The following CCDC112 variants were observed in gnomAD, a reference collection of about 807,000 sequenced individuals.
CCDC112 encodes coiled-coil domain-containing protein 112.
In CCDC112, 40 loss-of-function variants were observed where a neutral mutation model predicts 66.3. That is an observed-to-expected ratio of 0.60 (90% confidence interval 0.47 to 0.79). CCDC112 has a LOEUF of 0.79. CCDC112 is among the 30% of genes least tolerant of loss of function. CCDC112 has a pLI of 0.00. For synonymous variants in CCDC112, 214 were observed against 197.2 expected (o/e 1.09, Z -0.71); for missense variants, 659 against 603.8 (o/e 1.09, Z -0.96).
chr5:115,293,641 T>C (rs1203079820), intron 1 of CCDC112, among the ~76,000 whole-genome samples: 1 of 152,190 alleles, frequency 6.6e-6, no homozygotes, highest in Non-Finnish European at 1.5e-5. Flanking sequence ...TACTTCTGAC[T>C]CTGATCTTCC....
chr5:115,268,514 G>A lies in CCDC112; in HGVS notation c.1547+368C>T, dbSNP rs568930301. On this transcript the variant is annotated intron_variant, in intron 9 of 9. Transcript: ENST00000379611. Reference sequence around the variant, plus strand: ...TCTCAAACTCCTGACTTCGTGATCCGTCCTCCTTGGCCTCCCAAAGTGCTG... The same window carrying A: ...TCTCAAACTCCTGACTTCGTGATCCATCCTCCTTGGCCTCCCAAAGTGCTG... Among the ~76,000 whole-genome samples, 15 of 151,718 alleles carry A rather than the reference G, an allele frequency of 9.9e-5. 1 individual carries two copies. The highest frequency in any genetic ancestry group is 7.7e-4 in the East Asian group (4 of 5,162).
chr5:115,275,022 T>C (rs1209402717), intron 6 of CCDC112, among the ~76,000 whole-genome samples, 194 bp downstream of exon 6: 1 of 152,122 alleles, frequency 6.6e-6, no homozygotes, highest in Non-Finnish European at 1.5e-5. Flanking sequence ...GGATTACAGG[T>C]GTAAGCCACT....
At position 115,275,256 on chromosome 5, in the gene CCDC112, C is replaced by T; in HGVS notation, c.878G>A (p.Trp293Ter). The part of the protein sequence containing the change: ...TQDEVQQHEK[W>*]YQKFLALEER... ...TTCTAGAGCCAGAAACTTTTGATAC[C>T]ATTTTTCATGCTGTTGAACTTCATC... Residue 293 changes from tryptophan to a stop codon, truncating the protein, a stop_gained, in exon 6 of 10, where the codon TGG (tryptophan) becomes TAG (stop). Coordinates refer to ENST00000379611, the MANE Select transcript of CCDC112 (RefSeq NM_001040440.3). LOFTEE classifies it high-confidence loss of function. The T allele has an allele frequency of 6.2e-7, 1 of 1,611,062 alleles. No individual in the cohort carries two copies.
chr5:115,271,124 A>G, intron 7 of CCDC112, 89 bp downstream of exon 7: 1 of 1,244,056 alleles, frequency 8.0e-7, no homozygotes. Context: ...GGTCCAATAT[A>G]CAAATACTCA....
intron 2 of CCDC112, among the ~76,000 whole-genome samples, chr5:115,283,396 G>A (rs942445028): frequency 1.3e-5 from 2 of 151,970 alleles, no homozygotes; most frequent in Non-Finnish European, 2.9e-5. Flanking sequence ...GTCTTTCTGT[G>A]TATGGCTTAT....
At chr5:115,294,875 GT>G (rs1015260088) in intron 1 of CCDC112, among the ~76,000 whole-genome samples, 1 of 151,952 alleles carries the variant, frequency 6.6e-6, no homozygotes, top group African/African-American at 2.4e-5. Context: ...GTTTTGTTTT[GT>G]TTTTTTAAAA....
chr5:115,296,628 T>A lies in CCDC112; in HGVS notation c.-85A>T. The A allele has an allele frequency of 3.2e-6, 4 of 1,250,512 alleles. No homozygotes were observed. The highest frequency in any genetic ancestry group is 3.0e-6 in the Non-Finnish European group (3 of 987,148). The allele number at this position is 1,250,512 out of a possible 1,614,324, so 77.5% of individuals were successfully genotyped here. ...GCGCACCCTGGCCTCTGCAGACAGC[T>A]CCCTGCGCTGCGGGCTTGGCCGGGA... On this transcript the variant is annotated 5_prime_UTR_variant, in exon 1 of 10. Transcript: ENST00000379611.
intron 7 of CCDC112, among the ~76,000 whole-genome samples, chr5:115,270,147 T>C (rs1197202712): frequency 6.6e-6 from 1 of 152,112 alleles, no homozygotes; most frequent in East Asian, 1.9e-4. Flanking sequence ...ATTTTTTTCT[T>C]TTATTATGTG....
At chr5:115,294,862 ATTGTT>A (rs1386503251) in intron 1 of CCDC112, among the ~76,000 whole-genome samples, 5 of 152,210 alleles carry the variant, frequency 3.3e-5, no homozygotes, top group East Asian at 1.9e-4. Flanking sequence ...GTAATGCTGC[ATTGTT>A]TTGTTTTGTT....
intron 9 of CCDC112, 80 bp from the exon 10 acceptor site, chr5:115,267,998 T>C (rs1748812548): frequency 5.5e-6 from 6 of 1,098,410 alleles, no homozygotes; most frequent in Non-Finnish European, 8.3e-6. Context: ...AAGTGCTAAC[T>C]TTAAAATATA....
intron 1 of CCDC112, among the ~76,000 whole-genome samples, chr5:115,287,991 T>C (rs544868913): frequency 5.7e-4 from 86 of 151,900 alleles, no homozygotes; most frequent in South Asian, 1.0e-3. Context: ...CCTTTTTTTT[T>C]CCCCCCGAGA....
chr5:115,276,912 C>G, intron 4 of CCDC112, 53 bp downstream of exon 4: 1 of 1,208,346 alleles, frequency 8.3e-7, no homozygotes, highest in South Asian at 1.3e-5. Context: ...CCATTAATGC[C>G]AAACAGAAAA....
At chr5:115,282,224 C>A (rs1480931952) in intron 2 of CCDC112, among the ~76,000 whole-genome samples, 2 of 152,060 alleles carry the variant, frequency 1.3e-5, no homozygotes, top group African/African-American at 4.8e-5. Flanking sequence ...CTTTTTTAAA[C>A]AAAGTTTTTG....
chr5:115,290,159 G>C (rs963827339), intron 1 of CCDC112, among the ~76,000 whole-genome samples: 1 of 152,192 alleles, frequency 6.6e-6, no homozygotes. Flanking sequence ...GATCAGATTA[G>C]ATATTTTTCA....
chr5:115,294,000 A>T (rs1316391650), intron 1 of CCDC112, among the ~76,000 whole-genome samples: 2 of 152,218 alleles, frequency 1.3e-5, no homozygotes, highest in Non-Finnish European at 2.9e-5. Context: ...GACATTGGAG[A>T]GGAGGATAGA....
Position 115,290,326 on chromosome 5 carries a change from T to C in CCDC112, c.118-5418A>G, listed in dbSNP as rs1173180165. ...GTGTATGTCTTGACTCTCATTGATC[T>C]ATATGTCTATTGTCTATCCCTATGC... On this transcript the variant is annotated intron_variant, in intron 1 of 9. Transcript: ENST00000379611. 2.6e-5 allele frequency among the ~76,000 whole-genome samples: 4 copies of C among 152,234 alleles called. No homozygotes were observed. The East Asian group carries it at 7.7e-4, about 29-fold the overall frequency.
chr5:115,279,899 G>A, intron 2 of CCDC112, 131 bp from the exon 3 acceptor site: 6 of 572,534 alleles, frequency 1.0e-5, no homozygotes, highest in South Asian at 2.6e-5. Flanking sequence ...TAATTACTTT[G>A]GTTAATAAGG....
At chr5:115,282,889 G>C (rs896415245) in intron 2 of CCDC112, among the ~76,000 whole-genome samples, 1 of 152,052 alleles carries the variant, frequency 6.6e-6, no homozygotes, top group Non-Finnish European at 1.5e-5. Flanking sequence ...TGAATTGTTA[G>C]ATAGAAACAC....
At chr5:115,271,675 T>C (rs1749007769) in intron 6 of CCDC112, 49 bp from the exon 7 acceptor site, 3 of 1,198,258 alleles carry the variant, frequency 2.5e-6, no homozygotes, top group South Asian at 1.8e-5. Context: ...AGTTTTTTAA[T>C]AGCCAAAAGT....
Sources: allele counts gnomAD v4.1 joint callset (sites outside exome capture counted in the v4.1 genomes callset), GRCh38; gene constraint gnomAD v4.1.1; transcripts MANE v1.5; gene names NCBI Gene and HGNC (gene_info 2026-07-23, HGNC 2026-07-21).